The following ATP8A2 variants were observed in gnomAD, a reference collection of about 807,000 sequenced individuals.
ATP8A2 encodes phospholipid-transporting ATPase IB.
ATP8A2 carries 100 observed loss-of-function variants against 165.6 expected under a neutral mutation model. The observed-to-expected ratio is 0.60, with a 90% confidence interval of 0.51 to 0.71. ATP8A2 has a LOEUF of 0.71. Ranked by LOEUF, ATP8A2 falls within the 30% of genes least tolerant of loss-of-function variation. The pLI is 0.00. For synonymous variants in ATP8A2, 543 were observed against 548.8 expected (o/e 0.99, Z 0.15); for missense variants, 1,227 against 1,479.5 (o/e 0.83, Z 2.80).
chr13:25,469,257 C>T, intron 2 of ATP8A2, 136 bp downstream of exon 2: 1 of 1,107,844 alleles, frequency 9.0e-7, no homozygotes, highest in Non-Finnish European at 1.3e-6. Flanking sequence ...CTGCCCCCTC[C>T]CCACCCCACT....
chr13:25,914,831 C>T (rs2139006383), intron 33 of ATP8A2, among the ~76,000 whole-genome samples: 1 of 152,340 alleles, frequency 6.6e-6, no homozygotes, highest in South Asian at 2.1e-4. Flanking sequence ...TCTTTAACTC[C>T]ACCTCTTGAC....
At chr13:25,399,613 G>C (rs1243161892) in intron 1 of ATP8A2, among the ~76,000 whole-genome samples, 1 of 133,992 alleles carries the variant, frequency 7.5e-6, no homozygotes, top group African/African-American at 2.8e-5. Context: ...CGTTTTAGCC[G>C]GGATGGTCTC....
chr13:25,951,816 C>A (rs1980744), intron 33 of ATP8A2, among the ~76,000 whole-genome samples: 87,482 of 151,624 alleles, frequency 0.58, 27,767 homozygotes, highest in East Asian at 0.77. Context: ...ACACTGATAC[C>A]GCCCACTGTC....
chr13:25,661,491 T>C (rs1490803870), intron 24 of ATP8A2, among the ~76,000 whole-genome samples: 1 of 152,236 alleles, frequency 6.6e-6, no homozygotes, highest in African/African-American at 2.4e-5. Context: ...AACCTAAGAT[T>C]GTTTTTTTCT....
intron 35 of ATP8A2, among the ~76,000 whole-genome samples, chr13:25,982,624 A>G (rs138458526): frequency 3.9e-4 from 60 of 152,284 alleles, no homozygotes; most frequent in African/African-American, 1.4e-3. Context: ...TGGACCCATA[A>G]ACTATGTGAT....
At chr13:25,968,779 GA>G in intron 35 of ATP8A2, 100 bp downstream of exon 35, 1 of 931,634 alleles carries the variant, frequency 1.1e-6, no homozygotes, top group East Asian at 2.6e-5. Context: ...TTTTCGATGG[GA>G]GCACAGTATG....
chr13:25,720,609 C>T (rs920601378), intron 25 of ATP8A2, among the ~76,000 whole-genome samples: 1 of 152,180 alleles, frequency 6.6e-6, no homozygotes, highest in Admixed American at 6.5e-5. Context: ...TGGCCTCTTC[C>T]CTTACACAGG....
chr13:25,918,591 A>G (rs1954337540), intron 33 of ATP8A2, among the ~76,000 whole-genome samples: 4 of 152,188 alleles, frequency 2.6e-5, no homozygotes, highest in Admixed American at 2.6e-4. Flanking sequence ...ATGTTATAAT[A>G]TATTATAATT....
chr13:25,468,174 G>A (rs1178011672), intron 1 of ATP8A2, among the ~76,000 whole-genome samples: 1 of 152,134 alleles, frequency 6.6e-6, no homozygotes, highest in Non-Finnish European at 1.5e-5. Flanking sequence ...GGGGGGCAGG[G>A]GTTTGGGTCC....
chr13:25,774,755 A>T, intron 26 of ATP8A2, 94 bp from the exon 27 acceptor site: 1 of 712,328 alleles, frequency 1.4e-6, no homozygotes, highest in Non-Finnish European at 2.4e-6. Flanking sequence ...TCCTCTACCT[A>T]CATTATCTGA....
chr13:25,790,836 A>G (rs936327934), intron 27 of ATP8A2, among the ~76,000 whole-genome samples: 1 of 152,208 alleles, frequency 6.6e-6, no homozygotes, highest in Non-Finnish European at 1.5e-5. Flanking sequence ...GTGAAATACC[A>G]TCTGACACCA....
intron 24 of ATP8A2, among the ~76,000 whole-genome samples, chr13:25,672,178 C>G (rs1217146916): frequency 1.3e-5 from 2 of 151,590 alleles, no homozygotes; most frequent in African/African-American, 4.9e-5. Flanking sequence ...GCCTGTCTCT[C>G]ATATGTTTGT....
intron 1 of ATP8A2, among the ~76,000 whole-genome samples, chr13:25,425,274 C>T (rs138525269): frequency 2.0e-5 from 3 of 152,112 alleles, no homozygotes; most frequent in East Asian, 3.9e-4. Flanking sequence ...ACAGTGCCTC[C>T]AACTACTGCT....
At chr13:25,747,575 C>T (rs1342137789) in intron 25 of ATP8A2, among the ~76,000 whole-genome samples, 1 of 136,518 alleles carries the variant, frequency 7.3e-6, no homozygotes, top group Non-Finnish European at 1.6e-5. Flanking sequence ...AGGGGTTAGA[C>T]ACGTGGAGGT....
chr13:25,512,257 C>T (rs1261819380), intron 2 of ATP8A2, among the ~76,000 whole-genome samples: 5 of 152,188 alleles, frequency 3.3e-5, no homozygotes, highest in Non-Finnish European at 1.5e-5. Flanking sequence ...TAGTACAGAA[C>T]AAAAAGTCTC....
chr13:25,463,124 G>GTTT (rs150498785), intron 1 of ATP8A2, among the ~76,000 whole-genome samples: 51,844 of 127,136 alleles, frequency 0.41, 11,792 homozygotes, highest in East Asian at 0.59. Flanking sequence ...TCTTTCTGAA[G>GTTT]TGTTTTTTTT....
chr13:25,729,739 T>C (rs2043576083), intron 25 of ATP8A2, among the ~76,000 whole-genome samples: 1 of 152,052 alleles, frequency 6.6e-6, no homozygotes, highest in Non-Finnish European at 1.5e-5. Context: ...AGCTGAAATG[T>C]TGATCAGGTA....
intron 33 of ATP8A2, chr13:25,880,777 A>G (rs939182150): frequency 2.6e-6 from 1 of 391,710 alleles, no homozygotes; most frequent in Non-Finnish European, 5.1e-6. Context: ...GCATAAGTTA[A>G]TCTTTTCAAC....
At chr13:25,670,069 A>G (rs2042233736) in intron 24 of ATP8A2, among the ~76,000 whole-genome samples, 1 of 152,206 alleles carries the variant, frequency 6.6e-6, no homozygotes, top group Non-Finnish European at 1.5e-5. Context: ...TTCTTACTCA[A>G]ATCCAGCTGC....
Sources: allele counts gnomAD v4.1 joint callset (sites outside exome capture counted in the v4.1 genomes callset), GRCh38; gene constraint gnomAD v4.1.1; transcripts MANE v1.5; gene names NCBI Gene and HGNC (gene_info 2026-07-23, HGNC 2026-07-21).